Variants in FAM13A observed in about 807,000 individuals in gnomAD.
FAM13A encodes the protein protein FAM13A.
Under a neutral mutation model 129.6 loss-of-function variants are expected in FAM13A, and 76 were observed. That is an observed-to-expected ratio of 0.59 (90% CI 0.49 to 0.71). FAM13A has a LOEUF of 0.71. Among genes scored for constraint, FAM13A ranks in the 30% least tolerant of loss-of-function variants. The pLI, the probability that FAM13A is intolerant of heterozygous loss-of-function variation, is 0.00. For missense variants in FAM13A, 1,108 were observed against 1,249.3 expected (o/e 0.89, Z 1.70); for synonymous variants, 443 against 449.9 (o/e 0.98, Z 0.20).
intron 19 of FAM13A, 84 bp downstream of exon 19, chr4:88,746,848 C>T: frequency 2.3e-6 from 2 of 876,630 alleles, no homozygotes; most frequent in Non-Finnish European, 3.8e-6. Flanking sequence ...TTAGGGAACC[C>T]CATTTGTAAA....
rs189173125 is a variant in FAM13A at position 88,839,456 on chromosome 4, T to C, written c.1007+11564A>G. Among the ~76,000 whole-genome samples, 28 of 152,316 alleles carry C rather than the reference T, an allele frequency of 1.8e-4. No individual in the cohort carries two copies. In the Middle Eastern group the frequency reaches 0.01, roughly 56 times the overall value. On this transcript the variant is annotated intron_variant, in intron 7 of 23. Transcript: ENST00000264344. ...TGCCTTTACGGAGCTTACAATCTCA[T>C]GGAATAGACAGTCAATAGACAAAGG...
intron 6 of FAM13A, among the ~76,000 whole-genome samples, chr4:88,892,492 G>T (rs1745524044): frequency 6.6e-6 from 1 of 151,992 alleles, no homozygotes; most frequent in South Asian, 2.1e-4. Flanking sequence ...TCTTCTAAAA[G>T]AAAGAAACAA....
chr4:88,884,615 T>C (rs1744114147), intron 6 of FAM13A, among the ~76,000 whole-genome samples: 1 of 152,164 alleles, frequency 6.6e-6, no homozygotes, highest in African/African-American at 2.4e-5. Context: ...CTCTCTTCAC[T>C]TCTATTCAAC....
chr4:88,904,648 G>A lies in FAM13A; in HGVS notation c.843+1731C>T, dbSNP rs528271806. Reference sequence around the variant, plus strand: ...GGCTTAGGGTGAGGGAATAAGCAAGGATACCTAATGGATGCTGGGTTTAAT... The same window carrying A: ...GGCTTAGGGTGAGGGAATAAGCAAGAATACCTAATGGATGCTGGGTTTAAT... On this transcript the variant is annotated intron_variant, in intron 6 of 23. Transcript: ENST00000264344. Among the ~76,000 whole-genome samples the A allele has an allele frequency of 7.9e-5, 12 of 152,220 alleles. No individual in the cohort carries two copies. The South Asian group carries it at 2.1e-3, about 26-fold the overall frequency.
At chr4:88,848,564 T>C (rs1316140085) in intron 7 of FAM13A, among the ~76,000 whole-genome samples, 1 of 152,190 alleles carries the variant, frequency 6.6e-6, no homozygotes, top group African/African-American at 2.4e-5. Context: ...CATCCACACC[T>C]GCTCATTCTC....
intron 14 of FAM13A, among the ~76,000 whole-genome samples, chr4:88,751,469 T>C (rs1221400944): frequency 1.3e-5 from 2 of 152,146 alleles, no homozygotes; most frequent in Non-Finnish European, 2.9e-5. Flanking sequence ...ATTAGCACAT[T>C]TAAGATGCAT....
At chr4:88,790,692 G>T in intron 8 of FAM13A, 65 bp from the exon 9 acceptor site, 4 of 1,403,100 alleles carry the variant, frequency 2.9e-6, no homozygotes, top group South Asian at 1.2e-5. Context: ...AACCAAACAT[G>T]TGAAGTGGAT....
At position 88,851,178 on chromosome 4, in the gene FAM13A, T is replaced by G; in HGVS notation, c.849A>C (p.Pro283=). ...GAATAGATCCCTCACTCCTGGATTT[T>G]GGGATCTAGAAGAAAAAAAAAAGAG... ...MPKPPPKTKI[P]KSRSEGSIQA... The change falls in exon 7 of 24, where the codon CCA becomes CCC. Residue 283 remains proline (P), a synonymous_variant. Transcript: ENST00000264344. 1.3e-6 allele frequency: 2 copies of G among 1,580,484 alleles called. No homozygotes were observed. Among genetic ancestry groups the G allele is most frequent in the South Asian group, 1.2e-5 (1 of 86,006 alleles).
At chr4:89,001,333 T>C (rs1764221773) in intron 3 of FAM13A, among the ~76,000 whole-genome samples, 1 of 152,230 alleles carries the variant, frequency 6.6e-6, no homozygotes, top group Non-Finnish European at 1.5e-5. Context: ...GATTGATTGG[T>C]ACCTTGGGCA....
chr4:88,774,634 G>C (rs1721323445), intron 11 of FAM13A, among the ~76,000 whole-genome samples: 1 of 152,178 alleles, frequency 6.6e-6, no homozygotes, highest in East Asian at 1.9e-4. Context: ...TTCTGGAGAG[G>C]AAAGTGAGTA....
chr4:88,790,536 CA>C (rs1356895767), intron 9 of FAM13A, 49 bp downstream of exon 9: 1 of 1,391,440 alleles, frequency 7.2e-7, no homozygotes, highest in Admixed American at 2.0e-5. Context: ...TGGGACAGGG[CA>C]TTAAAAAAAA....
intron 6 of FAM13A, among the ~76,000 whole-genome samples, chr4:88,893,395 C>A (rs1325560657): frequency 6.6e-6 from 1 of 152,146 alleles, no homozygotes; most frequent in South Asian, 2.1e-4. Context: ...GAGGCCAAGG[C>A]GGGCGGATCA....
rs143138531 is a variant in FAM13A, at chr4:88,941,398, C to A, written c.606-3157G>T. ...GGAAAGTAACTTTAAAATGACCGAT[C>A]CACTTTTTGTTCTTTGCTTCTGCTT... On this transcript the variant is annotated intron_variant, in intron 4 of 23. Coordinates refer to ENST00000264344, the MANE Select transcript of FAM13A (RefSeq NM_014883.4). Among the ~76,000 whole-genome samples the A allele has an allele frequency of 8.9e-4, 135 of 152,278 alleles. 1 individual carries two copies. Among genetic ancestry groups the A allele is most frequent in the Non-Finnish European group, 4.4e-5 (3 of 68,028 alleles).
chr4:89,020,380 G>T, intron 3 of FAM13A, 80 bp downstream of exon 3: 1 of 995,812 alleles, frequency 1.0e-6, no homozygotes, highest in South Asian at 1.5e-5. Flanking sequence ...GCCTCCCAAA[G>T]TGTTGGGATT....
intron 5 of FAM13A, among the ~76,000 whole-genome samples, chr4:88,921,098 G>C (rs1160646558): frequency 6.6e-6 from 1 of 152,176 alleles, no homozygotes; most frequent in Non-Finnish European, 1.5e-5. Context: ...AAGTGACGGG[G>C]AGAATGGAAC....
intron 6 of FAM13A, among the ~76,000 whole-genome samples, chr4:88,870,475 G>T (rs185574065): frequency 5.9e-5 from 9 of 152,346 alleles, no homozygotes; most frequent in Non-Finnish European, 1.2e-4. Flanking sequence ...CACACCAGGA[G>T]ATTATACCCC....
In FAM13A at chr4:88,767,550, C is replaced by T; in HGVS notation, c.1578+3G>A. On this transcript the variant is annotated splice_donor_region_variant and intron_variant, in intron 13 of 23. Coordinates refer to ENST00000264344, the MANE Select transcript of FAM13A (RefSeq NM_014883.4). ...GTCTTACTCTTGCTTGTTAGCTACT[C>T]ACCTCAAAATGCTGAGTGTGTCCAC... is the stretch of plus-strand genomic sequence containing the variant. 1.9e-6 allele frequency: 3 copies of T among 1,598,932 alleles called. No homozygotes were observed. Among genetic ancestry groups the T allele is most frequent in the Non-Finnish European group, 1.7e-6 (2 of 1,175,698 alleles).
chr4:88,869,496 C>G (rs963381032), intron 6 of FAM13A, among the ~76,000 whole-genome samples: 2 of 152,166 alleles, frequency 1.3e-5, no homozygotes, highest in African/African-American at 4.8e-5. Context: ...TATTACCATT[C>G]CTCACTACTC....
intron 7 of FAM13A, among the ~76,000 whole-genome samples, chr4:88,837,420 A>C (rs1735002812): frequency 6.6e-6 from 1 of 152,052 alleles, no homozygotes. Context: ...ACGTTTAAGA[A>C]TATAGTCAGC....
Sources: gnomAD v4.1 joint callset for allele counts (sites outside exome capture counted in the v4.1 genomes callset) on GRCh38, gnomAD v4.1.1 for gene constraint, MANE v1.5 for transcripts, NCBI Gene and HGNC (gene_info 2026-07-23, HGNC 2026-07-21) for gene names.